FMN1: variants seen among roughly 807,000 people sequenced by gnomAD.
FMN1 encodes the protein formin-1.
FMN1 carries 110 observed loss-of-function variants against 132.4 expected under a neutral mutation model. The ratio of observed to expected loss-of-function variants is 0.83; its 90% CI spans 0.71 to 0.97. The LOEUF is 0.97. FMN1 is among the 50% of genes least tolerant of loss of function. FMN1 has a pLI of 0.00. For synonymous variants in FMN1, 722 were observed against 651.7 expected (o/e 1.11, Z -1.64); for missense variants, 1,792 against 1,705.3 (o/e 1.05, Z -0.90).
chr15:32,825,657 A>T (rs990115702), intron 17 of FMN1, among the ~76,000 whole-genome samples: 1 of 152,178 alleles, frequency 6.6e-6, no homozygotes, highest in East Asian at 1.9e-4. Context: ...TGTCCTGTTC[A>T]TGACTATATA....
intron 5 of FMN1, 35 bp from the exon 6 acceptor site, chr15:33,065,109 T>TAGTC: frequency 7.1e-7 from 1 of 1,403,088 alleles, no homozygotes; most frequent in African/African-American, 1.4e-5. Flanking sequence ...AAGTGGAATG[T>TAGTC]AGTCAGAGCC....
intron 6 of FMN1, chr15:33,013,217 C>G: frequency 3.4e-6 from 1 of 296,496 alleles, no homozygotes; most frequent in South Asian, 3.7e-5. Flanking sequence ...ATACAATACT[C>G]CCGTGTATGG....
chr15:33,058,234 C>G (rs892677107), intron 6 of FMN1, among the ~76,000 whole-genome samples: 2 of 152,034 alleles, frequency 1.3e-5, no homozygotes, highest in Middle Eastern at 3.2e-3. Context: ...AAAAATGAAG[C>G]CACCTGGATA....
intron 6 of FMN1, among the ~76,000 whole-genome samples, chr15:33,061,969 T>C (rs1351772196): frequency 1.3e-5 from 2 of 152,146 alleles, no homozygotes; most frequent in Non-Finnish European, 2.9e-5. Flanking sequence ...GAAAGTCTTT[T>C]AAGCTAAAAG....
chr15:33,123,993 T>C (rs1962813715), intron 4 of FMN1, among the ~76,000 whole-genome samples: 1 of 152,218 alleles, frequency 6.6e-6, no homozygotes, highest in African/African-American at 2.4e-5. Flanking sequence ...TAACCATAGC[T>C]ACTAAGACAG....
chr15:33,028,174 C>T (rs374697988), intron 6 of FMN1, among the ~76,000 whole-genome samples: 2 of 152,156 alleles, frequency 1.3e-5, no homozygotes, highest in African/African-American at 2.4e-5. Flanking sequence ...GCATGAGATG[C>T]GTGTTAGGAG....
intron 4 of FMN1, among the ~76,000 whole-genome samples, chr15:33,104,305 G>C (rs2039401829): frequency 6.6e-6 from 1 of 152,012 alleles, no homozygotes; most frequent in East Asian, 1.9e-4. Flanking sequence ...TTTTTACTTT[G>C]GGCTTAAATT....
At position 33,177,062 on chromosome 15, in the gene FMN1, T is replaced by C. The variant is rs75490342; in HGVS notation, c.-132+3136A>G. Among the ~76,000 whole-genome samples, 616 of 152,356 alleles carry C rather than the reference T, an allele frequency of 4.0e-3. 2 individuals are homozygous for C. The highest frequency in any genetic ancestry group is 0.014 in the African/African-American group (589 of 41,580). ...CAAGGGCTTTACCTGTTTTAACACATTGATTTTTACAGAAAAGCCTGTGAA... is the reference window on the plus strand; with the variant it reads ...CAAGGGCTTTACCTGTTTTAACACACTGATTTTTACAGAAAAGCCTGTGAA... On this transcript the variant is annotated intron_variant, in intron 3 of 20. Transcript: ENST00000616417.
chr15:33,030,043 A>G (rs536031084), intron 6 of FMN1, among the ~76,000 whole-genome samples: 24 of 152,318 alleles, frequency 1.6e-4, no homozygotes, highest in African/African-American at 5.8e-4. Context: ...CTGTAGTCCC[A>G]GCTACTCGGG....
intron 17 of FMN1, among the ~76,000 whole-genome samples, chr15:32,837,680 T>G (rs924618673): frequency 6.6e-6 from 1 of 152,230 alleles, no homozygotes; most frequent in Non-Finnish European, 1.5e-5. Context: ...CTATATCTAA[T>G]GCTCCTGAAA....
chr15:32,818,846 C>T (rs1487865585), intron 17 of FMN1, among the ~76,000 whole-genome samples: 1 of 150,806 alleles, frequency 6.6e-6, no homozygotes, highest in African/African-American at 2.4e-5. Flanking sequence ...AAATATTATG[C>T]AAACTGGAGA....
intron 6 of FMN1, among the ~76,000 whole-genome samples, chr15:33,061,150 G>C (rs2037464642): frequency 6.6e-6 from 1 of 152,124 alleles, no homozygotes; most frequent in African/African-American, 2.4e-5. Flanking sequence ...ATCATTGCTA[G>C]ATTTTAAAGG....
At chr15:33,175,041 T>C (rs576363404) in intron 3 of FMN1, among the ~76,000 whole-genome samples, 9 of 145,340 alleles carry the variant, frequency 6.2e-5, no homozygotes, top group South Asian at 4.2e-4. Flanking sequence ...GATTTTTTTT[T>C]TTTTAGACAG....
chr15:32,941,732 G>T (rs1342773806), intron 9 of FMN1, among the ~76,000 whole-genome samples: 6 of 152,026 alleles, frequency 3.9e-5, no homozygotes, highest in Admixed American at 3.9e-4. Context: ...CTCCCATTTT[G>T]AACCATCTTT....
chr15:33,041,955 A>G (rs973574546), intron 6 of FMN1, among the ~76,000 whole-genome samples: 5 of 152,164 alleles, frequency 3.3e-5, no homozygotes, highest in Non-Finnish European at 5.9e-5. Flanking sequence ...TTAAATCATT[A>G]AGATAGTAAA....
At chr15:32,797,524 G>A (rs2057328184) in intron 19 of FMN1, among the ~76,000 whole-genome samples, 1 of 152,156 alleles carries the variant, frequency 6.6e-6, no homozygotes, top group Non-Finnish European at 1.5e-5. Context: ...CAAGAACTAT[G>A]GGTTGGGTGC....
intron 19 of FMN1, among the ~76,000 whole-genome samples, chr15:32,785,218 ATTTTT>A (rs1230723314): frequency 0.094 from 3,668 of 39,100 alleles, 271 homozygotes; most frequent in South Asian, 0.13. Flanking sequence ...ATATATATAT[ATTTTT>A]TTTTTTTTTT....
At chr15:33,177,631 A>C (rs1654101762) in intron 3 of FMN1, among the ~76,000 whole-genome samples, 3 of 152,214 alleles carry the variant, frequency 2.0e-5, no homozygotes, top group Admixed American at 2.0e-4. Flanking sequence ...ATAGGATCAG[A>C]ACCCAGATTT....
At chr15:32,850,026 A>G (rs2058972552) in intron 17 of FMN1, among the ~76,000 whole-genome samples, 1 of 152,222 alleles carries the variant, frequency 6.6e-6, no homozygotes. Context: ...ACAAGAGATT[A>G]TCTTAATTCT....
Sources: allele counts gnomAD v4.1 joint callset (sites outside exome capture counted in the v4.1 genomes callset), GRCh38; gene constraint gnomAD v4.1.1; transcripts MANE v1.5; gene names NCBI Gene and HGNC (gene_info 2026-07-23, HGNC 2026-07-21).